The following MSRA variants were observed in gnomAD, a reference collection of about 807,000 sequenced individuals.
MSRA encodes the protein mitochondrial peptide methionine sulfoxide reductase.
Under a neutral mutation model 31.3 loss-of-function variants are expected in MSRA, and 54 were observed. The ratio of observed to expected loss-of-function variants is 1.73; its 90% confidence interval spans 1.39 to 2.17. The LOEUF (loss-of-function observed/expected upper bound fraction) is 2.17, where lower values mean the gene tolerates loss of function less well. Among genes scored for constraint, MSRA ranks in the 30% most tolerant of loss-of-function variants. The pLI is 0.00. For missense variants in MSRA, 507 were observed against 300.9 expected (o/e 1.69, Z -5.07); for synonymous variants, 169 against 116.5 (o/e 1.45, Z -2.90).
chr8:10,282,693 G>T (rs906663268), intron 3 of MSRA, among the ~76,000 whole-genome samples: 3 of 152,170 alleles, frequency 2.0e-5, no homozygotes, highest in African/African-American at 7.2e-5. Flanking sequence ...CTTGTATTCA[G>T]TATACCTCCA....
chr8:10,178,312 G>A (rs560832796), intron 1 of MSRA, among the ~76,000 whole-genome samples: 7 of 151,930 alleles, frequency 4.6e-5, no homozygotes, highest in Admixed American at 1.3e-4. Flanking sequence ...ATTCCAGGCC[G>A]GACACGGTGG....
At chr8:10,427,277 G>A in intron 5 of MSRA, among the ~76,000 whole-genome samples, 1 of 152,198 alleles carries the variant, frequency 6.6e-6, no homozygotes, top group South Asian at 2.1e-4. Context: ...AAGAATTAGG[G>A]CACAGCTGAA....
At chr8:10,355,429 A>G (rs1404349217) in intron 5 of MSRA, among the ~76,000 whole-genome samples, 3 of 152,218 alleles carry the variant, frequency 2.0e-5, no homozygotes, top group Non-Finnish European at 2.9e-5. Flanking sequence ...TGAAGTCATC[A>G]AAAAGAACGA....
intron 2 of MSRA, among the ~76,000 whole-genome samples, chr8:10,241,961 C>T (rs1797349003): frequency 6.6e-6 from 1 of 152,164 alleles, no homozygotes. Context: ...AGAATGGAGA[C>T]AATGTGTTGA....
At chr8:10,178,891 A>G (rs1188688183) in intron 1 of MSRA, among the ~76,000 whole-genome samples, 1 of 152,202 alleles carries the variant, frequency 6.6e-6, no homozygotes, top group Non-Finnish European at 1.5e-5. Flanking sequence ...CCTGCAGCCC[A>G]GTGAAGGGAT....
chr8:10,211,540 A>G (rs1809495680), intron 2 of MSRA, among the ~76,000 whole-genome samples: 5 of 152,008 alleles, frequency 3.3e-5, no homozygotes, highest in Admixed American at 3.3e-4. Context: ...GGAGCCACAC[A>G]TTTTGCAATT....
chr8:10,255,714 G>C (rs1258968564), intron 3 of MSRA, among the ~76,000 whole-genome samples: 1 of 151,962 alleles, frequency 6.6e-6, no homozygotes, highest in African/African-American at 2.4e-5. Flanking sequence ...CTGGTTTTGA[G>C]AGTCAGGTCG....
chr8:10,057,629 CG>C (rs572987957), intron 1 of MSRA, among the ~76,000 whole-genome samples: 1 of 152,064 alleles, frequency 6.6e-6, no homozygotes, highest in Non-Finnish European at 1.5e-5. Flanking sequence ...TTGAAACATG[CG>C]GGGGGTGGAC....
At chr8:10,121,029 A>G (rs943058381) in intron 1 of MSRA, among the ~76,000 whole-genome samples, 1 of 152,194 alleles carries the variant, frequency 6.6e-6, no homozygotes, top group Non-Finnish European at 1.5e-5. Context: ...ATTAAGTCAA[A>G]CATTTCAGAA....
At chr8:10,120,946 A>C (rs1801063563) in intron 1 of MSRA, among the ~76,000 whole-genome samples, 2 of 152,254 alleles carry the variant, frequency 1.3e-5, no homozygotes, top group Admixed American at 1.3e-4. Flanking sequence ...AATTAAATTT[A>C]TACAATTTAA....
chr8:10,279,465 T>C (rs1403880481), intron 3 of MSRA, among the ~76,000 whole-genome samples: 2 of 152,162 alleles, frequency 1.3e-5, no homozygotes, highest in African/African-American at 4.8e-5. Flanking sequence ...GGGGCAGCGT[T>C]TTCTGATCCT....
chr8:10,094,683 A>G (rs1016435794), intron 1 of MSRA, among the ~76,000 whole-genome samples: 3 of 152,246 alleles, frequency 2.0e-5, no homozygotes, highest in Admixed American at 6.5e-5. Context: ...CAAGCATCAT[A>G]GGTAAAAATG....
At chr8:10,296,515 G>A (rs1800551472) in intron 3 of MSRA, among the ~76,000 whole-genome samples, 1 of 152,208 alleles carries the variant, frequency 6.6e-6, no homozygotes, top group African/African-American at 2.4e-5. Flanking sequence ...ATTAAACTCT[G>A]TGTTGGAATG....
chr8:10,268,031 G>A lies in MSRA; in HGVS notation c.331+22808G>A, dbSNP rs567155456. ...CACAATGATGGCTTTGCTCCCTGCT[G>A]TGAGAGCAGGAATTTCTTCAGGGCC... On this transcript the variant is annotated intron_variant, in intron 3 of 5. Coordinates refer to ENST00000317173, the MANE Select transcript of MSRA (RefSeq NM_012331.5). 1.6e-4 allele frequency among the ~76,000 whole-genome samples: 25 copies of A among 152,258 alleles called. 1 individual carries two copies. In the South Asian group the frequency reaches 2.5e-3, roughly 15 times the overall value.
At chr8:10,084,596 C>A (rs1001369634) in intron 1 of MSRA, among the ~76,000 whole-genome samples, 5 of 152,206 alleles carry the variant, frequency 3.3e-5, no homozygotes, top group Admixed American at 3.3e-4. Flanking sequence ...GTTACATGAC[C>A]TTGGTCAAGC....
intron 1 of MSRA, among the ~76,000 whole-genome samples, chr8:10,143,047 C>T (rs1450930040): frequency 1.3e-5 from 2 of 152,122 alleles, no homozygotes; most frequent in African/African-American, 4.8e-5. Context: ...TAGAAGATTT[C>T]ACTGGGGCAT....
chr8:10,299,019 T>G (rs1202068848), intron 3 of MSRA, among the ~76,000 whole-genome samples: 1 of 152,200 alleles, frequency 6.6e-6, no homozygotes, highest in Admixed American at 6.5e-5. Flanking sequence ...ACTAGCCAAG[T>G]AAGGGCACCA....
At chr8:10,149,321 C>A (rs551173411) in intron 1 of MSRA, among the ~76,000 whole-genome samples, 1 of 152,260 alleles carries the variant, frequency 6.6e-6, no homozygotes, top group Non-Finnish European at 1.5e-5. Context: ...TGGGGTTTCA[C>A]TGTGTTGACC....
At chr8:10,222,966 T>C (rs1261992429) in intron 2 of MSRA, among the ~76,000 whole-genome samples, 1 of 152,212 alleles carries the variant, frequency 6.6e-6, no homozygotes, top group Non-Finnish European at 1.5e-5. Context: ...TTAAATGTTC[T>C]CACCACATAA....
Sources: allele counts gnomAD v4.1 joint callset (sites outside exome capture counted in the v4.1 genomes callset), GRCh38; gene constraint gnomAD v4.1.1; transcripts MANE v1.5; gene names NCBI Gene and HGNC (gene_info 2026-07-23, HGNC 2026-07-21).